PDE3A: variants seen among roughly 807,000 people sequenced by gnomAD.
The protein encoded by PDE3A is cGMP-inhibited 3',5'-cyclic phosphodiesterase 3A.
A neutral mutation model predicts 98.3 loss-of-function variants in PDE3A; 43 were observed. The ratio of observed to expected loss-of-function variants is 0.44; its 90% CI spans 0.34 to 0.56. PDE3A has a LOEUF of 0.56. Among genes scored for constraint, PDE3A ranks in the 20% least tolerant of loss-of-function variants. The probability of loss-of-function intolerance (pLI) is 0.01; values close to 1 mark genes in which losing one functional copy is unlikely to be tolerated. For missense variants in PDE3A, 1,427 were observed against 1,440.7 expected, an observed-to-expected ratio of 0.99 and a Z score of 0.15; for synonymous variants, 663 against 567.9, an observed-to-expected ratio of 1.17 and a Z score of -2.38.
At chr12:20,665,117 C>A (rs1380065274) in intron 15 of PDE3A, among the ~76,000 whole-genome samples, 2 of 152,178 alleles carry the variant, frequency 1.3e-5, no homozygotes, top group Non-Finnish European at 2.9e-5. Flanking sequence ...TTTCTGCTGA[C>A]TTTCAAAGAC....
At chr12:20,415,046 T>C (rs1944400182) in intron 1 of PDE3A, among the ~76,000 whole-genome samples, 1 of 152,170 alleles carries the variant, frequency 6.6e-6, no homozygotes, top group Admixed American at 6.5e-5. Flanking sequence ...AAAAAAGCTT[T>C]TATTTAAAGA....
intron 1 of PDE3A, among the ~76,000 whole-genome samples, chr12:20,498,543 T>A (rs1449449280): frequency 6.6e-6 from 1 of 152,182 alleles, no homozygotes; most frequent in Non-Finnish European, 1.5e-5. Flanking sequence ...GTGCATAGGT[T>A]ATATGCAAAT....
intron 1 of PDE3A, among the ~76,000 whole-genome samples, chr12:20,432,259 G>A (rs1236182422): frequency 1.3e-5 from 2 of 152,144 alleles, no homozygotes; most frequent in East Asian, 3.8e-4. Flanking sequence ...TTCTTACTAT[G>A]TTTCTGGGCT....
chr12:20,636,372 A>G (rs534385994), intron 8 of PDE3A, among the ~76,000 whole-genome samples: 4 of 152,286 alleles, frequency 2.6e-5, no homozygotes, highest in Middle Eastern at 3.4e-3. Context: ...TTTCTAAGTC[A>G]GAGAGATCGT....
intron 1 of PDE3A, among the ~76,000 whole-genome samples, chr12:20,544,745 T>C (rs1489788130): frequency 1.3e-5 from 2 of 152,044 alleles, no homozygotes; most frequent in Middle Eastern, 3.4e-3. Context: ...CATTTCCATA[T>C]CCATAAAATA....
At chr12:20,576,986 A>G (rs1476188334) in intron 2 of PDE3A, among the ~76,000 whole-genome samples, 2 of 151,948 alleles carry the variant, frequency 1.3e-5, no homozygotes, top group Non-Finnish European at 2.9e-5. Context: ...GAGATTGAGG[A>G]GTTAGCACCC....
intron 9 of PDE3A, among the ~76,000 whole-genome samples, chr12:20,638,902 TA>T (rs1372055662): frequency 6.6e-6 from 1 of 152,126 alleles, no homozygotes; most frequent in Non-Finnish European, 1.5e-5. Context: ...AACTAAGGCT[TA>T]AAAGAGGCTA....
In PDE3A at chr12:20,646,547, A is replaced by G; in HGVS notation, c.2309A>G (p.Gln770Arg). Residue 770 changes from glutamine (Q) to arginine (R), a missense_variant, in exon 11 of 16, where the codon CAG becomes CGG. Around this residue, in one of 3 missense-constraint regions of PDE3A, gnomAD observed 273 missense variants for 420.3 expected, o/e 0.65. Transcript: ENST00000359062. ...CATGCTGTTTGGTATCTTACTACACAGCCTATTCCAGGCCTCTCAACTGTG... is the reference window on the plus strand; with the variant it reads ...CATGCTGTTTGGTATCTTACTACACGGCCTATTCCAGGCCTCTCAACTGTG... ...VLHAVWYLTT[Q>R]PIPGLSTVIN... 1 of 1,611,340 alleles carries G rather than the reference A, an allele frequency of 6.2e-7. No individual in the cohort carries two copies. The highest frequency in any genetic ancestry group is 8.5e-7 in the Non-Finnish European group (1 of 1,177,474).
chr12:20,428,861 A>T (rs1210494208), intron 1 of PDE3A, among the ~76,000 whole-genome samples: 1 of 152,208 alleles, frequency 6.6e-6, no homozygotes, highest in Non-Finnish European at 1.5e-5. Context: ...AACTTTGGTC[A>T]TCTGAAATAA....
chr12:20,417,578 G>A (rs894860325), intron 1 of PDE3A, among the ~76,000 whole-genome samples: 1 of 152,198 alleles, frequency 6.6e-6, no homozygotes, highest in African/African-American at 2.4e-5. Flanking sequence ...CAAGAAATAT[G>A]TGAGTTCATC....
chr12:20,533,662 A>C (rs930965336), intron 1 of PDE3A, among the ~76,000 whole-genome samples: 1 of 151,118 alleles, frequency 6.6e-6, no homozygotes, highest in East Asian at 2.0e-4. Flanking sequence ...TCGTATTTTT[A>C]GTAGAGATGG....
At chr12:20,493,307 T>G (rs573770891) in intron 1 of PDE3A, among the ~76,000 whole-genome samples, 22 of 152,274 alleles carry the variant, frequency 1.4e-4, no homozygotes, top group African/African-American at 5.1e-4. Context: ...GTGTTCTGCC[T>G]TTGTGGATTC....
chr12:20,397,712 G>C (rs1198272013), intron 1 of PDE3A, among the ~76,000 whole-genome samples: 1 of 151,880 alleles, frequency 6.6e-6, no homozygotes, highest in African/African-American at 2.4e-5. Context: ...TTTCAATTTA[G>C]AGTGTAAAAT....
intron 1 of PDE3A, among the ~76,000 whole-genome samples, chr12:20,533,949 G>T (rs370539201): frequency 6.6e-6 from 1 of 151,720 alleles, no homozygotes; most frequent in Non-Finnish European, 1.5e-5. Context: ...CAGGTCATCC[G>T]TGCGCCCGTC....
At chr12:20,397,205 A>C (rs1300913820) in intron 1 of PDE3A, among the ~76,000 whole-genome samples, 1 of 152,194 alleles carries the variant, frequency 6.6e-6, no homozygotes, top group East Asian at 1.9e-4. Flanking sequence ...TTCTCATTTT[A>C]CAGCTGAAGA....
At chr12:20,471,116 C>A (rs1474878715) in intron 1 of PDE3A, among the ~76,000 whole-genome samples, 1 of 149,100 alleles carries the variant, frequency 6.7e-6, no homozygotes, top group Non-Finnish European at 1.5e-5. Flanking sequence ...TTTGTTATTA[C>A]AGCTTGAGCT....
At chr12:20,499,349 T>G (rs1397800531) in intron 1 of PDE3A, among the ~76,000 whole-genome samples, 1 of 152,132 alleles carries the variant, frequency 6.6e-6, no homozygotes, top group Non-Finnish European at 1.5e-5. Flanking sequence ...TACAAAATGG[T>G]TAGAGATATG....
At position 20,514,488 on chromosome 12, in the gene PDE3A, C is replaced by T. The variant is rs976368912; in HGVS notation, c.961-42172C>T. On this transcript the variant is annotated intron_variant, in intron 1 of 15. Transcript: ENST00000359062. ...GTGAAAATATATGCAATGGCAGTAA[C>T]GTTATCATTTCTAAAAGAACAGAAC... Among the ~76,000 whole-genome samples the T allele has an allele frequency of 5.9e-5, 9 of 152,100 alleles. No individual in the cohort carries two copies. The East Asian group carries it at 9.6e-4, about 16-fold the overall frequency.
chr12:20,577,142 C>G (rs571451189), intron 2 of PDE3A, among the ~76,000 whole-genome samples: 2 of 151,788 alleles, frequency 1.3e-5, no homozygotes, highest in East Asian at 3.9e-4. Context: ...CACCCCCAAA[C>G]AAGGAATTAC....
Sources: allele counts gnomAD v4.1 joint callset (sites outside exome capture counted in the v4.1 genomes callset), GRCh38; gene constraint gnomAD v4.1.1; regional missense constraint gnomAD v4.1.1; transcripts MANE v1.5; gene names NCBI Gene and HGNC (gene_info 2026-07-23, HGNC 2026-07-21).